Variants in PDE1C observed in about 807,000 individuals in gnomAD.
PDE1C encodes the protein dual specificity calcium/calmodulin-dependent 3',5'-cyclic nucleotide phosphodiesterase 1C.
A neutral mutation model predicts 93.1 loss-of-function variants in PDE1C; 62 were observed. That is an observed-to-expected ratio of 0.67 (90% CI 0.54 to 0.82). The LOEUF is 0.82. Among genes scored for constraint, PDE1C ranks in the 40% least tolerant of loss-of-function variants. The pLI, the probability that PDE1C is intolerant of heterozygous loss-of-function variation, is 0.00. For synonymous variants in PDE1C, 325 were observed against 310.1 expected (o/e 1.05, Z -0.50); for missense variants, 742 against 884.6 (o/e 0.84, Z 2.04).
At chr7:31,766,110 C>G (rs1795127107) in intron 17 of PDE1C, among the ~76,000 whole-genome samples, 1 of 152,272 alleles carries the variant, frequency 6.6e-6, no homozygotes, top group African/African-American at 2.4e-5. Context: ...TTGGGCCCGG[C>G]GCGGTGGCTC....
intron 2 of PDE1C, among the ~76,000 whole-genome samples, chr7:32,016,964 C>T (rs941270842): frequency 4.6e-5 from 7 of 152,184 alleles, no homozygotes; most frequent in African/African-American, 1.2e-4. Context: ...TCGAAGCCTG[C>T]GTCCAACATT....
At position 31,968,801 on chromosome 7, in the gene PDE1C, G is replaced by A. The variant is rs189328073; in HGVS notation, c.128+82753C>T. On this transcript the variant is annotated intron_variant, in intron 2 of 17. Transcript: ENST00000396191. ...AACAGAGATATAGACAAATGGAACA[G>A]AACAGAGCCCTCAGAAATAATGCTG... is the stretch of plus-strand genomic sequence containing the variant. 8.1e-3 allele frequency among the ~76,000 whole-genome samples: 1,227 copies of A among 152,206 alleles called. 20 individuals are homozygous for A. Among genetic ancestry groups the A allele is most frequent in the African/African-American group, 0.028 (1,177 of 41,522 alleles).
At chr7:31,924,654 T>C (rs1440446695) in intron 2 of PDE1C, among the ~76,000 whole-genome samples, 1 of 152,230 alleles carries the variant, frequency 6.6e-6, no homozygotes, top group Non-Finnish European at 1.5e-5. Context: ...CGAGTTTATA[T>C]ATAAGCAGGG....
intron 11 of PDE1C, among the ~76,000 whole-genome samples, chr7:31,831,721 G>T (rs3779245): frequency 6.6e-6 from 1 of 151,768 alleles, no homozygotes; most frequent in Non-Finnish European, 1.5e-5. Context: ...AGGGGCAGAC[G>T]GAAGAGTAGA....
At chr7:32,131,479 G>A (rs149115301) in intron 3 of PDE1C, among the ~76,000 whole-genome samples, 2 of 152,222 alleles carry the variant, frequency 1.3e-5, no homozygotes, top group African/African-American at 4.8e-5. Flanking sequence ...TACTTAGAAG[G>A]AAGTATCAGA....
intron 3 of PDE1C, among the ~76,000 whole-genome samples, chr7:32,167,097 A>G (rs1721021031): frequency 6.6e-6 from 1 of 152,104 alleles, no homozygotes; most frequent in Non-Finnish European, 1.5e-5. Flanking sequence ...AAAATATTTG[A>G]AATTTTTTTG....
chr7:31,640,656 T>C, the PDE1C span, among the ~76,000 whole-genome samples: 26 of 149,614 alleles, frequency 1.7e-4, no homozygotes, highest in South Asian at 1.5e-3. Flanking sequence ...TTTTTTTTTT[T>C]CCACATATCT....
chr7:32,364,584 G>A (rs1229173654), intron 1 of PDE1C, among the ~76,000 whole-genome samples: 1 of 152,222 alleles, frequency 6.6e-6, no homozygotes, highest in East Asian at 1.9e-4. Flanking sequence ...CACAGTCCTT[G>A]CAAGCCATGA....
rs995975592 is a variant in PDE1C at position 32,405,224 on chromosome 7, A to C, written c.310+22598T>G. Among the ~76,000 whole-genome samples the C allele has an allele frequency of 6.6e-5, 10 of 151,018 alleles. 2 individuals carry two copies. Among genetic ancestry groups the C allele is most frequent in the East Asian group, 2.0e-4 (1 of 5,072 alleles). ...TTTCCTCCACCCAAACCCAGGATTAAAAGATAATTAACTTATTTTTTCTTT... is the reference window on the plus strand; with the variant it reads ...TTTCCTCCACCCAAACCCAGGATTACAAGATAATTAACTTATTTTTTCTTT... On this transcript the variant is annotated intron_variant, in intron 1 of 1. Transcript: ENST00000672256.
At chr7:32,061,214 T>G (rs1048364198) in intron 1 of PDE1C, among the ~76,000 whole-genome samples, 11 of 152,354 alleles carry the variant, frequency 7.2e-5, no homozygotes, top group African/African-American at 2.2e-4. Flanking sequence ...ACTGATTGTC[T>G]AAATTATTGC....
the PDE1C span, among the ~76,000 whole-genome samples, chr7:31,651,646 G>T: frequency 2.0e-5 from 3 of 152,018 alleles, no homozygotes; most frequent in Non-Finnish European, 4.4e-5. Flanking sequence ...GGTTTTTCTT[G>T]GGGAAATAGA....
the PDE1C span, among the ~76,000 whole-genome samples, chr7:31,706,168 C>T: frequency 6.6e-6 from 1 of 151,580 alleles, no homozygotes; most frequent in African/African-American, 2.4e-5. Flanking sequence ...CCATGCCTGG[C>T]TAATTTTTGT....
In PDE1C at chr7:31,811,861, C is replaced by G. The variant is rs1329665718; in HGVS notation, c.1814-2753G>C. On this transcript the variant is annotated intron_variant, in intron 15 of 17. Coordinates refer to ENST00000396191, the MANE Select transcript of PDE1C (RefSeq NM_001191057.4). ...AGATCCTGTCACTGCCAGTGGGTGC[C>G]CAAACCTTGAAAACCCCTCCTTCAC... Among the ~76,000 whole-genome samples the G allele has an allele frequency of 2.0e-5, 3 of 152,054 alleles. No individual in the cohort carries two copies. In the East Asian group the frequency reaches 5.8e-4, roughly 30 times the overall value.
intron 1 of PDE1C, among the ~76,000 whole-genome samples, chr7:32,271,151 C>CAACA (rs1487865301): frequency 6.6e-6 from 1 of 152,008 alleles, no homozygotes; most frequent in Non-Finnish European, 1.5e-5. Context: ...ACGACAACAA[C>CAACA]AACAAACAAA....
intron 5 of PDE1C, among the ~76,000 whole-genome samples, chr7:31,875,793 C>CTATATATATCTA (rs1554387706): frequency 1.4e-4 from 6 of 43,104 alleles, no homozygotes; most frequent in African/African-American, 3.6e-4. Flanking sequence ...AAGCTTACAT[C>CTATATATATCTA]TATATATATA....
intron 14 of PDE1C, among the ~76,000 whole-genome samples, 181 bp downstream of exon 14, chr7:31,822,892 T>G (rs756975527): frequency 6.6e-6 from 1 of 152,208 alleles, no homozygotes; most frequent in Non-Finnish European, 1.5e-5. Flanking sequence ...CTTGCAGGTC[T>G]GCTGCATTTT....
intron 1 of PDE1C, among the ~76,000 whole-genome samples, chr7:32,425,799 G>C (rs1434014028): frequency 6.6e-6 from 1 of 152,030 alleles, no homozygotes; most frequent in African/African-American, 2.4e-5. Context: ...AAATTAACCA[G>C]GCATGGTGGC....
the PDE1C span, among the ~76,000 whole-genome samples, chr7:31,725,083 A>T: frequency 6.6e-6 from 1 of 152,172 alleles, no homozygotes; most frequent in Admixed American, 6.5e-5. Flanking sequence ...TGTCTGGGAA[A>T]AGTGTAAGCC....
chr7:31,926,009 A>C (rs1203502243), intron 2 of PDE1C, among the ~76,000 whole-genome samples: 1 of 151,950 alleles, frequency 6.6e-6, no homozygotes, highest in Non-Finnish European at 1.5e-5. Context: ...ACAATCTCAA[A>C]CAGTCTATGC....
Sources: gnomAD v4.1 joint callset for allele counts (sites outside exome capture counted in the v4.1 genomes callset) on GRCh38, gnomAD v4.1.1 for gene constraint, MANE v1.5 for transcripts, NCBI Gene and HGNC (gene_info 2026-07-23, HGNC 2026-07-21) for gene names.